Variants in SH3BGRL2 observed in about 807,000 individuals in gnomAD.
SH3BGRL2 encodes the protein SH3 domain-binding glutamic acid-rich-like protein 2.
A neutral mutation model predicts 14.8 loss-of-function variants in SH3BGRL2; 21 were observed. That is an observed-to-expected ratio of 1.42 (90% CI 1.01 to 2.05). SH3BGRL2 has a LOEUF of 2.05. Ranked by LOEUF, SH3BGRL2 falls within the 30% of genes most tolerant of loss-of-function variation. The probability of loss-of-function intolerance (pLI) is 0.00; values close to 1 mark genes in which losing one functional copy is unlikely to be tolerated. For missense variants in SH3BGRL2, 147 were observed against 130.8 expected, an observed-to-expected ratio of 1.12 and a Z score of -0.61; for synonymous variants, 50 against 47.8, an observed-to-expected ratio of 1.05 and a Z score of -0.19.
intron 2 of SH3BGRL2, among the ~76,000 whole-genome samples, chr6:79,692,714 A>G (rs1441416400): frequency 1.3e-5 from 2 of 152,156 alleles, no homozygotes; most frequent in Non-Finnish European, 2.9e-5. Context: ...CCACTGATCT[A>G]TATCTCTGTT....
At chr6:79,632,345 C>G (rs986050136) in intron 1 of SH3BGRL2, among the ~76,000 whole-genome samples, 5 of 152,122 alleles carry the variant, frequency 3.3e-5, no homozygotes, top group African/African-American at 1.2e-4. Context: ...TATTTGACAG[C>G]CCACTAAGGG....
At chr6:79,688,359 A>G (rs1189694750) in intron 2 of SH3BGRL2, among the ~76,000 whole-genome samples, 1 of 152,206 alleles carries the variant, frequency 6.6e-6, no homozygotes, top group East Asian at 1.9e-4. Context: ...AATTGGCAAT[A>G]TAAACAAAGT....
At chr6:79,573,760 C>A in the SH3BGRL2 span, 1 of 152,098 alleles carries the variant, frequency 6.6e-6, no homozygotes, top group Non-Finnish European at 1.5e-5. Flanking sequence ...TATTGTATAA[C>A]TATTGCTGAT....
the SH3BGRL2 span, among the ~76,000 whole-genome samples, chr6:79,570,561 G>A: frequency 0.11 from 16,627 of 152,188 alleles, 1,017 homozygotes; most frequent in Non-Finnish European, 0.13. Flanking sequence ...ATCTTTCTCT[G>A]CCTCCATCTG....
Position 79,702,508 on chromosome 6 carries a change from A to G in SH3BGRL2, c.*2999A>G, listed in dbSNP as rs1316540252. The G allele has an allele frequency of 3.3e-5, 5 of 152,330 alleles. No homozygotes were observed. Among genetic ancestry groups the G allele is most frequent in the Non-Finnish European group, 7.3e-5 (5 of 68,040 alleles). 9.4% of individuals were successfully genotyped at this position (152,330 alleles called of 1,614,324 possible). Reference sequence around the variant, plus strand: ...AAGGAGAATAAATTCCAGAAAACACATATTCTGAAAATGGAGTGTTTGTTC... The same window carrying G: ...AAGGAGAATAAATTCCAGAAAACACGTATTCTGAAAATGGAGTGTTTGTTC... On this transcript the variant is annotated 3_prime_UTR_variant, in exon 4 of 4. Transcript: ENST00000369838.
At chr6:79,559,570 A>T in the SH3BGRL2 span, among the ~76,000 whole-genome samples, 1 of 152,350 alleles carries the variant, frequency 6.6e-6, no homozygotes, top group South Asian at 2.1e-4. Flanking sequence ...ACAATTAAAT[A>T]CAATACTTCG....
chr6:79,626,170 C>A, the SH3BGRL2 span, among the ~76,000 whole-genome samples: 1 of 152,158 alleles, frequency 6.6e-6, no homozygotes, highest in Non-Finnish European at 1.5e-5. Flanking sequence ...GTAATCCTAG[C>A]ACTTTGGGAG....
chr6:79,652,705 G>A (rs1769320304), intron 1 of SH3BGRL2, among the ~76,000 whole-genome samples: 2 of 151,974 alleles, frequency 1.3e-5, no homozygotes, highest in South Asian at 4.2e-4. Context: ...AGTAAGGAGG[G>A]GGGACCCAGT....
At chr6:79,592,391 A>C in the SH3BGRL2 span, among the ~76,000 whole-genome samples, 1 of 152,202 alleles carries the variant, frequency 6.6e-6, no homozygotes, top group Non-Finnish European at 1.5e-5. Context: ...AACAGGAGAA[A>C]TAGATATACA....
At chr6:79,594,383 A>G in the SH3BGRL2 span, among the ~76,000 whole-genome samples, 3 of 152,222 alleles carry the variant, frequency 2.0e-5, no homozygotes, top group Non-Finnish European at 4.4e-5. Flanking sequence ...CACTGCACGT[A>G]TTAATAATAA....
the SH3BGRL2 span, among the ~76,000 whole-genome samples, chr6:79,538,439 C>T: frequency 6.6e-6 from 1 of 152,106 alleles, no homozygotes; most frequent in African/African-American, 2.4e-5. Flanking sequence ...ACAGACTAAC[C>T]CACCCAAACA....
intron 1 of SH3BGRL2, among the ~76,000 whole-genome samples, chr6:79,653,728 A>G (rs1769349325): frequency 6.6e-6 from 1 of 152,190 alleles, no homozygotes; most frequent in Admixed American, 6.5e-5. Flanking sequence ...GGAGCTTAAG[A>G]AAGAGTGGGC....
chr6:79,559,315 T>G, the SH3BGRL2 span, among the ~76,000 whole-genome samples: 1 of 152,090 alleles, frequency 6.6e-6, no homozygotes, highest in African/African-American at 2.4e-5. Context: ...AAATTTTTTT[T>G]TGTAATTAAC....
intron 1 of SH3BGRL2, among the ~76,000 whole-genome samples, chr6:79,658,323 T>C (rs1769466402): frequency 6.6e-6 from 1 of 152,128 alleles, no homozygotes; most frequent in Admixed American, 6.5e-5. Flanking sequence ...CCCCAGTGTG[T>C]AATGTTCCCT....
At chr6:79,634,916 G>A (rs1055918072) in intron 1 of SH3BGRL2, among the ~76,000 whole-genome samples, 1 of 152,168 alleles carries the variant, frequency 6.6e-6, no homozygotes, top group African/African-American at 2.4e-5. Flanking sequence ...TGGATTTGGA[G>A]CCTGGGAGAG....
chr6:79,666,219 C>T (rs1769657229), intron 1 of SH3BGRL2, among the ~76,000 whole-genome samples: 1 of 152,108 alleles, frequency 6.6e-6, no homozygotes, highest in Non-Finnish European at 1.5e-5. Flanking sequence ...TTTCTGATGC[C>T]TGTCACCTCA....
At chr6:79,604,706 A>G in the SH3BGRL2 span, among the ~76,000 whole-genome samples, 4 of 152,134 alleles carry the variant, frequency 2.6e-5, no homozygotes, top group Non-Finnish European at 5.9e-5. Context: ...TGTTGGGGGC[A>G]GATAACTTGT....
At chr6:79,569,981 T>A in the SH3BGRL2 span, among the ~76,000 whole-genome samples, 43 of 152,324 alleles carry the variant, frequency 2.8e-4, no homozygotes, top group African/African-American at 1.0e-3. Flanking sequence ...ATAGTTTTGC[T>A]GAAATTGAGG....
the SH3BGRL2 span, among the ~76,000 whole-genome samples, chr6:79,587,781 G>T: frequency 2.6e-5 from 4 of 152,172 alleles, no homozygotes; most frequent in African/African-American, 9.7e-5. Flanking sequence ...AGAGGCCTTT[G>T]TATATCAGAA....
Sources: allele counts gnomAD v4.1 joint callset (sites outside exome capture counted in the v4.1 genomes callset), GRCh38; gene constraint gnomAD v4.1.1; transcripts MANE v1.5; gene names NCBI Gene and HGNC (gene_info 2026-07-23, HGNC 2026-07-21).